The following GLRA2 variants were observed in gnomAD, a reference collection of about 807,000 sequenced individuals.
The protein encoded by GLRA2 is glycine receptor alpha 2, also known as glycine receptor subunit alpha-2.
GLRA2 carries 11 observed loss-of-function variants against 31.6 expected under a neutral mutation model. The ratio of observed to expected loss-of-function variants is 0.35; its 90% confidence interval spans 0.22 to 0.58. GLRA2 has a LOEUF of 0.58. GLRA2 is among the 20% of genes least tolerant of loss of function. GLRA2 has a pLI of 0.84. For synonymous variants in GLRA2, 132 were observed against 134.0 expected, an observed-to-expected ratio of 0.99 and a Z score of 0.10; for missense variants, 212 against 351.8, an observed-to-expected ratio of 0.60 and a Z score of 3.18.
chrX:14,666,847 C>A (rs767158398), intron 7 of GLRA2, among the ~76,000 whole-genome samples: 1 of 111,961 alleles, frequency 8.9e-6, no homozygotes, highest in South Asian at 3.7e-4. Context: ...TAGGAAGAGG[C>A]AAGACAGGAT....
Position 14,681,879 on chromosome X carries a change from G to A in GLRA2, c.931-8831G>A, listed in dbSNP as rs1317471381. Among the ~76,000 whole-genome samples, 12 of 36,870 alleles carry A rather than the reference G, an allele frequency of 3.3e-4. 1 individual carries two copies. The highest frequency in any genetic ancestry group is 1.2e-3 in the South Asian group (1 of 812). The allele number at this position is 36,870 out of a possible 115,157, so 32.0% of individuals were successfully genotyped here. ...TGCACTCCAGCCTGGGCAACAGTGC[G>A]AGACACCATCTCAAAAAAAAAAAAA... is the stretch of plus-strand genomic sequence containing the variant. On this transcript the variant is annotated intron_variant, in intron 7 of 8. Coordinates refer to ENST00000218075, the MANE Select transcript of GLRA2 (RefSeq NM_002063.4).
intron 7 of GLRA2, among the ~76,000 whole-genome samples, chrX:14,626,985 G>A (rs1400120368): frequency 1.8e-5 from 2 of 111,321 alleles, no homozygotes; most frequent in African/African-American, 6.5e-5. Flanking sequence ...GGAAAGTAGC[G>A]ATTGAGAGGG....
At chrX:14,504,407 T>A in the GLRA2 span, among the ~76,000 whole-genome samples, 4 of 103,080 alleles carry the variant, frequency 3.9e-5, no homozygotes, top group African/African-American at 1.5e-4. Flanking sequence ...GCCAAACAGG[T>A]TTTTTTTTGT....
chrX:14,683,300 A>G (rs961210248), intron 7 of GLRA2, among the ~76,000 whole-genome samples: 5 of 112,014 alleles, frequency 4.5e-5, no homozygotes, highest in Non-Finnish European at 9.4e-5. Context: ...TCTGATGGCC[A>G]GTGATGATGA....
At chrX:14,687,449 T>C (rs1468318396) in intron 7 of GLRA2, among the ~76,000 whole-genome samples, 2 of 112,149 alleles carry the variant, frequency 1.8e-5, no homozygotes, top group African/African-American at 6.5e-5. Context: ...ACCAATCAGA[T>C]GCAGATTTGG....
chrX:14,650,402 C>T (rs1237404142), intron 7 of GLRA2, among the ~76,000 whole-genome samples: 1 of 110,372 alleles, frequency 9.1e-6, no homozygotes, highest in Non-Finnish European at 1.9e-5. Context: ...TCCTTGTTCT[C>T]TTCTGCTCTT....
chrX:14,600,533 T>A (rs1270746357), intron 4 of GLRA2, among the ~76,000 whole-genome samples: 3 of 111,416 alleles, frequency 2.7e-5, no homozygotes, highest in Non-Finnish European at 5.7e-5. Context: ...TTAATTTAAA[T>A]TTTAATTTTT....
intron 7 of GLRA2, among the ~76,000 whole-genome samples, chrX:14,620,695 TAAAG>T (rs2090505434): frequency 9.0e-6 from 1 of 111,016 alleles, no homozygotes; most frequent in African/African-American, 3.3e-5. Context: ...GACTATAACT[TAAAG>T]AAACTGGAAT....
chrX:14,527,750 A>C (rs1196007782), upstream of GLRA2, among the ~76,000 whole-genome samples: 1 of 112,249 alleles, frequency 8.9e-6, no homozygotes, highest in African/African-American at 3.2e-5. Flanking sequence ...AACACAAAAA[A>C]ATCTGTGCTA....
the GLRA2 span, among the ~76,000 whole-genome samples, chrX:14,458,848 T>C: frequency 8.9e-6 from 1 of 112,037 alleles, no homozygotes; most frequent in Non-Finnish European, 1.9e-5. Context: ...TGGTAGTTTC[T>C]TTTGCTGTGC....
intron 4 of GLRA2, among the ~76,000 whole-genome samples, chrX:14,587,938 C>T (rs1324171454): frequency 9.3e-6 from 1 of 107,351 alleles, no homozygotes; most frequent in Non-Finnish European, 1.9e-5. Flanking sequence ...GACAACATCT[C>T]ACTCTGTCAC....
chrX:14,593,882 T>C (rs1308706529), intron 4 of GLRA2, among the ~76,000 whole-genome samples: 2 of 113,204 alleles, frequency 1.8e-5, no homozygotes, highest in African/African-American at 3.2e-5. Context: ...TTTCCTCTTT[T>C]TGGGAGACAT....
chrX:14,457,156 G>A, the GLRA2 span, among the ~76,000 whole-genome samples: 2 of 110,599 alleles, frequency 1.8e-5, no homozygotes, highest in South Asian at 3.8e-4. Flanking sequence ...TTTCTTGGCC[G>A]TTTGTATTTC....
chrX:14,474,813 G>A, the GLRA2 span, among the ~76,000 whole-genome samples: 1 of 111,423 alleles, frequency 9.0e-6, no homozygotes, highest in Non-Finnish European at 1.9e-5. Flanking sequence ...GGGTTATTGA[G>A]AGAAACAAGA....
At chrX:14,493,701 GTATACACA>G in the GLRA2 span, among the ~76,000 whole-genome samples, 2 of 81,380 alleles carry the variant, frequency 2.5e-5, no homozygotes, top group African/African-American at 4.9e-5. Context: ...ACGTATATAT[GTATACACA>G]TGTATACATA....
chrX:14,493,708 CATGTATACATATATACGTGTAT>C, the GLRA2 span, among the ~76,000 whole-genome samples: 38 of 84,972 alleles, frequency 4.5e-4, no homozygotes, highest in African/African-American at 1.0e-3. Context: ...TATGTATACA[CATGTATACATATATACGTGTAT>C]ATGTATACAT....
chrX:14,555,245 A>G (rs1230776812), intron 2 of GLRA2, among the ~76,000 whole-genome samples: 1 of 111,984 alleles, frequency 8.9e-6, no homozygotes, highest in Middle Eastern at 4.2e-3. Context: ...AAGGAAAGAG[A>G]TGGTAACAGA....
chrX:14,558,825 ATTTTT>A (rs995170803), intron 2 of GLRA2, among the ~76,000 whole-genome samples: 1 of 100,935 alleles, frequency 9.9e-6, no homozygotes, highest in Admixed American at 1.1e-4. Flanking sequence ...TTTGTCTAGA[ATTTTT>A]TTTTTTTTTT....
chrX:14,699,080 A>G (rs1005005845), intron 8 of GLRA2, among the ~76,000 whole-genome samples: 7 of 112,284 alleles, frequency 6.2e-5, no homozygotes, highest in Non-Finnish European at 9.4e-5. Context: ...AATCACGCCC[A>G]GATCTTCCCT....
Sources: gnomAD v4.1 joint callset for allele counts (sites outside exome capture counted in the v4.1 genomes callset) on GRCh38, gnomAD v4.1.1 for gene constraint, MANE v1.5 for transcripts, NCBI Gene and HGNC (gene_info 2026-07-23, HGNC 2026-07-21) for gene names.